Variants in DLEU7 observed in about 807,000 individuals in gnomAD.
The protein encoded by DLEU7 is deleted in lymphocytic leukemia 7.
In DLEU7, 17 loss-of-function variants were observed where a neutral mutation model predicts 16.0. That is an observed-to-expected ratio of 1.06 (90% CI 0.73 to 1.59). DLEU7 has a LOEUF of 1.59. Among genes scored for constraint, DLEU7 ranks in the 40% most tolerant of loss-of-function variants. The probability of loss-of-function intolerance (pLI) is 0.00; values close to 1 mark genes in which losing one functional copy is unlikely to be tolerated. For missense variants in DLEU7, 308 were observed against 314.9 expected (o/e 0.98, Z 0.17); for synonymous variants, 113 against 139.8 (o/e 0.81, Z 1.35).
intron 1 of DLEU7, among the ~76,000 whole-genome samples, chr13:50,767,455 CAAAA>C (rs35091007): frequency 2.0e-3 from 130 of 64,510 alleles, no homozygotes; most frequent in African/African-American, 7.4e-3. Context: ...GACTCCGTCT[CAAAA>C]AAAAAAAAAA....
At chr13:50,822,083 C>T (rs1876925407), downstream of DLEU7, among the ~76,000 whole-genome samples, 1 of 152,114 alleles carries the variant, frequency 6.6e-6, no homozygotes, top group African/African-American at 2.4e-5. Context: ...CACGCATGCA[C>T]ACAGACACAC....
intron 1 of DLEU7, among the ~76,000 whole-genome samples, chr13:50,759,158 C>T (rs959205458): frequency 7.9e-5 from 12 of 152,208 alleles, no homozygotes; most frequent in African/African-American, 2.9e-4. Context: ...ATCTTTGTAA[C>T]CTCCTTTTCC....
chr13:50,801,804 A>G (rs1876256550), intron 1 of DLEU7, among the ~76,000 whole-genome samples: 1 of 152,138 alleles, frequency 6.6e-6, no homozygotes, highest in Non-Finnish European at 1.5e-5. Flanking sequence ...ATCTATGTCA[A>G]TCTGTTTCCA....
chr13:50,754,897 C>T lies in DLEU7; in HGVS notation c.460-41657G>A, dbSNP rs543704265. On this transcript the variant is annotated intron_variant, in intron 1 of 1. Transcript: ENST00000400393. Reference sequence around the variant, plus strand: ...TGTAGTGGTTTGGTAGTGGCGAATTCTCTCAGCATTTGTTTGTCTGAAAAA... The same window carrying T: ...TGTAGTGGTTTGGTAGTGGCGAATTTTCTCAGCATTTGTTTGTCTGAAAAA... Among the ~76,000 whole-genome samples, 5 of 152,320 alleles carry T rather than the reference C, an allele frequency of 3.3e-5. No individual in the cohort carries two copies. The East Asian group carries it at 9.6e-4, about 29-fold the overall frequency.
intron 1 of DLEU7, among the ~76,000 whole-genome samples, chr13:50,779,268 G>A (rs764029654): frequency 7.2e-5 from 11 of 152,068 alleles, no homozygotes; most frequent in Admixed American, 1.3e-4. Flanking sequence ...CCAAACTTAC[G>A]TTCCATGAAC....
Position 50,843,655 on chromosome 13 carries a change from C to T in DLEU7, c.-9G>A. On this transcript the variant is annotated 5_prime_UTR_variant, in exon 1 of 2. Transcript: ENST00000504404. The surrounding 1 kb of genome is among the most constrained non-coding windows in gnomAD (Gnocchi z 5.7). ...GGCGCAGGGCTGGCCATCGCCTCCG[C>T]TGGCGGCCCGGCGCGCTCCGCGTGC... 2 of 1,502,544 alleles carry T rather than the reference C, an allele frequency of 1.3e-6. No individual in the cohort carries two copies. Among genetic ancestry groups the T allele is most frequent in the Non-Finnish European group, 1.8e-6 (2 of 1,132,754 alleles). 93.1% of individuals were successfully genotyped at this position (1,502,544 alleles called of 1,614,324 possible).
chr13:50,783,304 G>A (rs1180490277), intron 1 of DLEU7, among the ~76,000 whole-genome samples: 1 of 152,066 alleles, frequency 6.6e-6, no homozygotes, highest in Non-Finnish European at 1.5e-5. Context: ...TAAACTATCT[G>A]AACCAAACAA....
intron 1 of DLEU7, among the ~76,000 whole-genome samples, chr13:50,806,897 C>T (rs558012279): frequency 8.3e-4 from 122 of 147,754 alleles, no homozygotes; most frequent in African/African-American, 3.0e-3. Context: ...GAGCAGAGAT[C>T]GCACCATTGC....
chr13:50,780,819 A>G (rs1875628766), intron 1 of DLEU7, among the ~76,000 whole-genome samples: 1 of 152,208 alleles, frequency 6.6e-6, no homozygotes, highest in Non-Finnish European at 1.5e-5. Flanking sequence ...AGGGGCAATC[A>G]GAGTCTGTGG....
intron 1 of DLEU7, among the ~76,000 whole-genome samples, chr13:50,774,497 A>C (rs1481749711): frequency 6.6e-6 from 1 of 152,184 alleles, no homozygotes; most frequent in African/African-American, 2.4e-5. Context: ...ACACTTCTAC[A>C]TAATATGTCT....
chr13:50,735,864 G>A (rs1429588691), intron 1 of DLEU7, among the ~76,000 whole-genome samples: 4 of 152,140 alleles, frequency 2.6e-5, no homozygotes, highest in Non-Finnish European at 5.9e-5. Context: ...AACAGATGCT[G>A]GCAAGGTTGC....
At chr13:50,819,251 G>T (rs1162583511), downstream of DLEU7, among the ~76,000 whole-genome samples, 1 of 152,168 alleles carries the variant, frequency 6.6e-6, no homozygotes, top group East Asian at 1.9e-4. Context: ...TGTTCTGGCA[G>T]AGGGAAGAGC....
chr13:50,812,819 AAATATTT>A lies in DLEU7; in HGVS notation c.459+30362_459+30368del, dbSNP rs1876608775. ...CTTCTCAGTAAAGCCATAGGTAAAT[AAATATTT>A]AAAGTAATGGAGGAAATTCTTAACA... On this transcript the variant is annotated intron_variant, in intron 1 of 1. Coordinates refer to the DLEU7 transcript ENST00000400393. 2.6e-5 allele frequency among the ~76,000 whole-genome samples: 4 copies of A among 152,224 alleles called. No homozygotes were observed. The South Asian group carries it at 8.3e-4, about 32-fold the overall frequency.
At chr13:50,770,698 A>T (rs9596351) in intron 1 of DLEU7, among the ~76,000 whole-genome samples, 1 of 152,226 alleles carries the variant, frequency 6.6e-6, no homozygotes, top group East Asian at 1.9e-4. Flanking sequence ...GGATTTTCGC[A>T]TCGATGTTCA....
chr13:50,801,579 G>T (rs1327495010), intron 1 of DLEU7, among the ~76,000 whole-genome samples: 1 of 152,010 alleles, frequency 6.6e-6, no homozygotes, highest in African/African-American at 2.4e-5. Context: ...CCATTTTCAC[G>T]GGGTGCACAG....
chr13:50,826,220 C>T (rs1354228652), intron 1 of DLEU7, among the ~76,000 whole-genome samples: 1 of 152,130 alleles, frequency 6.6e-6, no homozygotes, highest in Non-Finnish European at 1.5e-5. Context: ...TGCTAACCTA[C>T]TGCTTATCTC....
At chr13:50,808,082 C>T (rs1876446913) in intron 1 of DLEU7, 1 of 152,188 alleles carries the variant, frequency 6.6e-6, no homozygotes. Context: ...TGAAGAAAAG[C>T]ATTTCTCCAC....
chr13:50,832,883 G>A (rs1381480695), intron 1 of DLEU7, among the ~76,000 whole-genome samples: 2 of 152,102 alleles, frequency 1.3e-5, no homozygotes, highest in African/African-American at 4.8e-5. Context: ...CTTTGCTAAG[G>A]AGTGTTCAAC....
intron 1 of DLEU7, among the ~76,000 whole-genome samples, chr13:50,727,214 CGT>C (rs3990136): frequency 9.9e-4 from 148 of 149,962 alleles, no homozygotes; most frequent in East Asian, 7.0e-3. Flanking sequence ...CTCTTGCATA[CGT>C]GTGTGTGTGT....
Sources: allele counts gnomAD v4.1 joint callset (sites outside exome capture counted in the v4.1 genomes callset), GRCh38; gene constraint gnomAD v4.1.1; non-coding constraint Gnocchi (gnomAD v3.1); transcripts MANE v1.5; gene names NCBI Gene and HGNC (gene_info 2026-07-23, HGNC 2026-07-21).